Variants in CDKAL1 observed in about 807,000 individuals in gnomAD.
CDKAL1 encodes CDKAL1 threonylcarbamoyladenosine tRNA methylthiotransferase.
CDKAL1 carries 32 observed loss-of-function variants against 68.2 expected under a neutral mutation model. The observed-to-expected ratio is 0.47, with a 90% CI of 0.35 to 0.63. CDKAL1 has a LOEUF of 0.63. Among genes scored for constraint, CDKAL1 ranks in the 30% least tolerant of loss-of-function variants. The pLI, the probability that CDKAL1 is intolerant of heterozygous loss-of-function variation, is 0.00. For synonymous variants in CDKAL1, 234 were observed against 244.3 expected, an observed-to-expected ratio of 0.96 and a Z score of 0.39; for missense variants, 606 against 696.7, an observed-to-expected ratio of 0.87 and a Z score of 1.47.
At chr6:20,988,310 C>A (rs1229906837) in intron 10 of CDKAL1, among the ~76,000 whole-genome samples, 2 of 151,242 alleles carry the variant, frequency 1.3e-5, no homozygotes, top group Non-Finnish European at 2.9e-5. Context: ...GAGGATGGAT[C>A]TTCTTTTACT....
At chr6:21,087,822 G>GA (rs989136187) in intron 12 of CDKAL1, among the ~76,000 whole-genome samples, 2 of 151,206 alleles carry the variant, frequency 1.3e-5, no homozygotes, top group South Asian at 2.1e-4. Flanking sequence ...ACATTTCCTA[G>GA]AAAAAAAACA....
intron 4 of CDKAL1, among the ~76,000 whole-genome samples, chr6:20,625,710 T>C (rs35111339): frequency 0.013 from 1,985 of 152,228 alleles, 23 homozygotes; most frequent in Non-Finnish European, 0.021. Context: ...AATAAGGCAT[T>C]GACAGTCAAT....
intron 5 of CDKAL1, among the ~76,000 whole-genome samples, chr6:20,668,733 T>C (rs1485791854): frequency 6.6e-6 from 1 of 152,242 alleles, no homozygotes; most frequent in African/African-American, 2.4e-5. Flanking sequence ...TTTTGTCTTT[T>C]TTCCAGTTCA....
intron 10 of CDKAL1, among the ~76,000 whole-genome samples, chr6:20,974,590 A>G (rs1466835171): frequency 2.0e-5 from 3 of 152,096 alleles, no homozygotes; most frequent in African/African-American, 4.8e-5. Context: ...TATAACATTG[A>G]TATCGTAAGG....
intron 4 of CDKAL1, among the ~76,000 whole-genome samples, chr6:20,636,699 A>T (rs942876174): frequency 6.6e-6 from 1 of 152,162 alleles, no homozygotes; most frequent in Non-Finnish European, 1.5e-5. Context: ...AGGGAGATGG[A>T]TAAAGTAGAA....
At chr6:21,071,457 A>G (rs544496654) in intron 12 of CDKAL1, among the ~76,000 whole-genome samples, 1 of 152,174 alleles carries the variant, frequency 6.6e-6, no homozygotes, top group Non-Finnish European at 1.5e-5. Context: ...TCTTTTCTTT[A>G]TAATTTACCC....
chr6:20,701,794 TTAATC>T (rs1289090288), intron 5 of CDKAL1, among the ~76,000 whole-genome samples: 2 of 152,242 alleles, frequency 1.3e-5, no homozygotes, highest in African/African-American at 4.8e-5. Flanking sequence ...TACTAGATCT[TTAATC>T]TACCCATTTG....
chr6:20,950,935 A>C (rs898925274), intron 9 of CDKAL1, among the ~76,000 whole-genome samples: 1 of 150,876 alleles, frequency 6.6e-6, no homozygotes, highest in African/African-American at 2.4e-5. Context: ...GTGCCATTGC[A>C]CTCCAGCCTG....
intron 2 of CDKAL1, among the ~76,000 whole-genome samples, chr6:20,544,790 A>T (rs1763530688): frequency 6.6e-6 from 1 of 152,208 alleles, no homozygotes; most frequent in African/African-American, 2.4e-5. Flanking sequence ...TTTGGTCTCC[A>T]CTGACACTGC....
At chr6:20,784,238 G>A (rs1308122185) in intron 8 of CDKAL1, among the ~76,000 whole-genome samples, 1 of 150,244 alleles carries the variant, frequency 6.7e-6, no homozygotes, top group African/African-American at 2.4e-5. Flanking sequence ...TGTAGTATTT[G>A]CATATAACCC....
At position 20,955,554 on chromosome 6, in the gene CDKAL1, C is replaced by T. The variant is rs751918068; in HGVS notation, c.878C>T (p.Thr293Ile). The change falls in exon 10 of 16, where the codon ACA becomes ATA. Residue 293 changes from threonine to isoleucine, a missense_variant. Thr to Ile is a moderately conservative substitution (Grantham distance 89). Coordinates refer to ENST00000274695, the MANE Select transcript of CDKAL1 (RefSeq NM_017774.3). Reference sequence around the variant, plus strand: ...GGAGCAATGCTGAGGCTTGGCATGACAAATCCGCCCTATATTTTAGAGCAT... The same window carrying T: ...GGAGCAATGCTGAGGCTTGGCATGATAAATCCGCCCTATATTTTAGAGCAT... Reference protein sequence around the residue: ...PEGAMLRLGMTNPPYILEHLE... With the variant: ...PEGAMLRLGMINPPYILEHLE... 1 of 1,614,096 alleles carries T rather than the reference C, an allele frequency of 6.2e-7. No homozygotes were observed. Among genetic ancestry groups the T allele is most frequent in the South Asian group, 1.1e-5 (1 of 91,074 alleles).
intron 5 of CDKAL1, among the ~76,000 whole-genome samples, chr6:20,715,019 G>C (rs1461372426): frequency 1.3e-5 from 2 of 152,132 alleles, no homozygotes; most frequent in African/African-American, 4.8e-5. Context: ...AACAAATTAA[G>C]ATCATCATCT....
At chr6:21,153,738 G>T (rs1776520256) in intron 13 of CDKAL1, among the ~76,000 whole-genome samples, 1 of 152,160 alleles carries the variant, frequency 6.6e-6, no homozygotes, top group Non-Finnish European at 1.5e-5. Context: ...ATAAAAGAGA[G>T]GGAAGAAGTG....
chr6:20,710,108 A>G (rs968990752), intron 5 of CDKAL1, among the ~76,000 whole-genome samples: 3 of 152,208 alleles, frequency 2.0e-5, no homozygotes, highest in Non-Finnish European at 4.4e-5. Flanking sequence ...CTGAGTAATT[A>G]GGTTTATAAC....
chr6:21,131,116 C>G (rs1775300068), intron 13 of CDKAL1, among the ~76,000 whole-genome samples: 1 of 152,176 alleles, frequency 6.6e-6, no homozygotes. Context: ...TATGTCTGTG[C>G]TTCCAAATTG....
chr6:20,916,728 G>T (rs1345136730), intron 9 of CDKAL1, among the ~76,000 whole-genome samples: 4 of 152,044 alleles, frequency 2.6e-5, no homozygotes, highest in Non-Finnish European at 5.9e-5. Context: ...TATATTTTAG[G>T]TTTAATAAAT....
intron 9 of CDKAL1, among the ~76,000 whole-genome samples, chr6:20,898,426 A>G (rs1184000766): frequency 1.3e-5 from 2 of 149,238 alleles, no homozygotes; most frequent in African/African-American, 2.5e-5. Context: ...ATGCTAGATC[A>G]TGACTGGAGC....
chr6:21,019,886 T>C (rs1768547635), intron 11 of CDKAL1, among the ~76,000 whole-genome samples: 1 of 147,306 alleles, frequency 6.8e-6, no homozygotes, highest in African/African-American at 2.5e-5. Flanking sequence ...TAGAAGTTGC[T>C]TCCAGCTTAA....
chr6:21,156,142 G>A (rs547017278), intron 13 of CDKAL1, among the ~76,000 whole-genome samples: 1 of 151,990 alleles, frequency 6.6e-6, no homozygotes, highest in Admixed American at 6.6e-5. Flanking sequence ...AAGACTGAGC[G>A]GGGCATGGTG....
Sources: allele counts gnomAD v4.1 joint callset (sites outside exome capture counted in the v4.1 genomes callset), GRCh38; gene constraint gnomAD v4.1.1; transcripts MANE v1.5; gene names NCBI Gene and HGNC (gene_info 2026-07-23, HGNC 2026-07-21).